Variants in TLN2 observed in about 807,000 individuals in gnomAD.
TLN2 encodes the protein talin 2.
Under a neutral mutation model 294.7 loss-of-function variants are expected in TLN2, and 118 were observed. The ratio of observed to expected loss-of-function variants is 0.40; its 90% CI spans 0.34 to 0.47. The LOEUF (loss-of-function observed/expected upper bound fraction) is 0.47. Among genes scored for constraint, TLN2 ranks in the 20% least tolerant of loss-of-function variants. TLN2 has a pLI of 0.84. For synonymous variants in TLN2, 1,431 were observed against 1,304.5 expected, an observed-to-expected ratio of 1.10 and a Z score of -2.09; for missense variants, 3,083 against 3,282.2, an observed-to-expected ratio of 0.94 and a Z score of 1.48.
chr15:62,602,047 C>G (rs2047054071), intron 2 of TLN2, among the ~76,000 whole-genome samples: 1 of 152,130 alleles, frequency 6.6e-6, no homozygotes, highest in African/African-American at 2.4e-5. Flanking sequence ...CGTCAAGGAG[C>G]CCTGGTTTCC....
At chr15:62,722,067 C>G (rs1006456782) in intron 25 of TLN2, among the ~76,000 whole-genome samples, 13 of 152,198 alleles carry the variant, frequency 8.5e-5, no homozygotes, top group African/African-American at 2.6e-4. Context: ...AAGGAACTCT[C>G]TTTGAAATCG....
At chr15:62,447,176 T>TTTATTTAC (rs1555408618) in intron 1 of TLN2, among the ~76,000 whole-genome samples, 16 of 151,536 alleles carry the variant, frequency 1.1e-4, no homozygotes, top group African/African-American at 3.9e-4. Context: ...TATTTGTTTA[T>TTTATTTAC]TTATTTATTT....
At chr15:62,776,933 T>A in intron 43 of TLN2, 23 bp downstream of exon 43, 1 of 1,474,092 alleles carries the variant, frequency 6.8e-7, no homozygotes. Context: ...TCTAGGGCTC[T>A]CTACTCCCTT....
chr15:62,447,163 ATTTATTTGTTT>A (rs1566978149), intron 1 of TLN2, among the ~76,000 whole-genome samples: 2 of 150,542 alleles, frequency 1.3e-5, no homozygotes, highest in African/African-American at 4.9e-5. Context: ...ATATTTATTT[ATTTATTTGTTT>A]ATTTATTTAT....
intron 22 of TLN2, among the ~76,000 whole-genome samples, chr15:62,715,306 G>A (rs1036333835): frequency 2.7e-5 from 4 of 150,702 alleles, no homozygotes; most frequent in African/African-American, 5.0e-5. Context: ...TTGATAAATC[G>A]GTGTGCTGTT....
intron 9 of TLN2, among the ~76,000 whole-genome samples, chr15:62,665,519 C>T (rs2054515488): frequency 6.6e-6 from 1 of 152,152 alleles, no homozygotes; most frequent in Admixed American, 6.5e-5. Flanking sequence ...AGAAATTGTC[C>T]AAGGGCTGAG....
chr15:62,423,238 T>C (rs1021659495), intron 1 of TLN2, among the ~76,000 whole-genome samples: 1 of 152,020 alleles, frequency 6.6e-6, no homozygotes, highest in African/African-American at 2.4e-5. Flanking sequence ...TACAAAAAAA[T>C]TATCTGGGCA....
rs182579118 is a variant in TLN2 at position 62,667,158 on chromosome 15, G to A, written c.789-6669G>A. ...TTTTTTGTATTTTTTAGTAGAGACGGGGTTTCACCATGTTAGCCAGGATGG... is the reference window on the plus strand; with the variant it reads ...TTTTTTGTATTTTTTAGTAGAGACGAGGTTTCACCATGTTAGCCAGGATGG... On this transcript the variant is annotated intron_variant, in intron 9 of 58. Coordinates refer to ENST00000636159, the MANE Select transcript of TLN2 (RefSeq NM_015059.3). Among the ~76,000 whole-genome samples, 499 of 152,166 alleles carry A rather than the reference G, an allele frequency of 3.3e-3. 4 individuals are homozygous for A. Among genetic ancestry groups the A allele is most frequent in the African/African-American group, 0.012 (478 of 41,524 alleles).
chr15:62,795,504 C>T (rs1188847115), intron 46 of TLN2, among the ~76,000 whole-genome samples: 4 of 152,058 alleles, frequency 2.6e-5, no homozygotes, highest in South Asian at 4.2e-4. Context: ...GCTGGGCCCT[C>T]GGGGCACTGA....
Position 62,433,847 on chromosome 15 carries a change from G to GGAGT in TLN2, c.-238+43165_-238+43168dup, listed in dbSNP as rs1250890550. On this transcript the variant is annotated intron_variant, in intron 1 of 58. Coordinates refer to ENST00000636159, the MANE Select transcript of TLN2 (RefSeq NM_015059.3). ...CTACTAAAAATACAAAAATTAGCCA[G>GGAGT]GAGTGATGGCAGGTACCTGTAATCC... 3.9e-5 allele frequency among the ~76,000 whole-genome samples: 6 copies of GGAGT among 152,132 alleles called. No homozygotes were observed. In the Middle Eastern group the frequency reaches 0.01, roughly 261 times the overall value.
intron 5 of TLN2, among the ~76,000 whole-genome samples, chr15:62,651,734 T>A (rs1390084597): frequency 6.6e-6 from 1 of 152,150 alleles, no homozygotes; most frequent in Non-Finnish European, 1.5e-5. Context: ...ATATTAGGCA[T>A]CATACAGAAT....
Position 62,762,456 on chromosome 15 carries a change from C to G in TLN2, c.4961+3C>G. ...AAGAGTCTCATCACTTCTATCAGGT[C>G]AGTTTCCCATCCGGAGGTTGCTGCC... On this transcript the variant is annotated splice_donor_region_variant and intron_variant, in intron 39 of 58. Coordinates refer to ENST00000636159, the MANE Select transcript of TLN2 (RefSeq NM_015059.3). 6.2e-7 allele frequency: 1 copy of G among 1,613,054 alleles called. No individual in the cohort carries two copies. Among genetic ancestry groups the G allele is most frequent in the African/African-American group, 1.3e-5 (1 of 75,042 alleles).
chr15:62,739,693 T>G lies in TLN2; in HGVS notation c.3885+148T>G. The G allele has an allele frequency of 3.3e-6, 3 of 903,498 alleles. No individual in the cohort carries two copies. In the South Asian group the frequency reaches 5.3e-5, roughly 16 times the overall value. The allele number at this position is 903,498 out of a possible 1,614,324, so 56.0% of individuals were successfully genotyped here. ...TTCTTTTTGCTGCTTAGGAAGCTCA[T>G]GCCCTCATGGGAATGGCATTCCCAA... is the stretch of plus-strand genomic sequence containing the variant. On this transcript the variant is annotated intron_variant, in intron 31 of 58. Transcript: ENST00000636159.
chr15:62,489,782 C>A (rs763388733), intron 1 of TLN2, among the ~76,000 whole-genome samples: 1 of 152,188 alleles, frequency 6.6e-6, no homozygotes, highest in East Asian at 1.9e-4. Context: ...GAAAGAAGTC[C>A]GCTGCCATAT....
rs1371356292 is a variant in TLN2, at chr15:62,725,032, G to A, written c.3183G>A (p.Thr1061=). The change falls in exon 27 of 59, where the codon ACG becomes ACA. Residue 1061 remains threonine, a synonymous_variant. Transcript: ENST00000636159. The part of the protein sequence containing the change: ...EIDSALNTVQ[T]LKNELQDAKM... ...ATTCAGCTCTGAATACGGTGCAGAC[G>A]CTTAAGAATGAACTGCAGGATGCCA... is the stretch of plus-strand genomic sequence containing the variant. 9 of 1,613,614 alleles carry A rather than the reference G, an allele frequency of 5.6e-6. No homozygotes were observed. Among genetic ancestry groups the A allele is most frequent in the Middle Eastern group, 3.3e-4 (2 of 6,056 alleles).
intron 1 of TLN2, among the ~76,000 whole-genome samples, chr15:62,549,469 A>G (rs541032373): frequency 6.8e-5 from 8 of 117,448 alleles, no homozygotes; most frequent in Non-Finnish European, 9.3e-5. Flanking sequence ...GAGGCCTGCC[A>G]TGCATGCCAT....
intron 1 of TLN2, among the ~76,000 whole-genome samples, chr15:62,435,316 C>T (rs2035234094): frequency 1.3e-5 from 2 of 152,116 alleles, no homozygotes; most frequent in African/African-American, 4.8e-5. Context: ...GGTATTTCTG[C>T]CTCCAGATCT....
intron 53 of TLN2, 40 bp from the exon 54 acceptor site, chr15:62,820,446 T>G: frequency 6.2e-7 from 1 of 1,608,804 alleles, no homozygotes; most frequent in Non-Finnish European, 8.5e-7. Flanking sequence ...CCCTGAGGTC[T>G]GCAGCTATGA....
Position 62,835,440 on chromosome 15 carries a change from C to T in TLN2, c.7129-297C>T, listed in dbSNP as rs554672593. 5.4e-5 allele frequency: 26 copies of T among 480,180 alleles called. No homozygotes were observed. The South Asian group carries it at 6.2e-4, about 11-fold the overall frequency. 29.7% of individuals were successfully genotyped at this position (480,180 alleles called of 1,614,324 possible). A position where few individuals can be genotyped will look rare whatever the true frequency, so the allele number is the denominator to read the frequency against. On this transcript the variant is annotated intron_variant, in intron 55 of 58. Transcript: ENST00000636159. ...AGGAGTAAGTGTAGAAAGACAGCCC[C>T]AGGTCATCATTCCTGAGCCGTTTCC...
Sources: gnomAD v4.1 joint callset for allele counts (sites outside exome capture counted in the v4.1 genomes callset) on GRCh38, gnomAD v4.1.1 for gene constraint, MANE v1.5 for transcripts, NCBI Gene and HGNC (gene_info 2026-07-23, HGNC 2026-07-21) for gene names.